Variants in TCERG1L observed in about 807,000 individuals in gnomAD.
TCERG1L encodes transcription elongation regulator 1-like protein.
A neutral mutation model predicts 56.3 loss-of-function variants in TCERG1L; 37 were observed. The ratio of observed to expected loss-of-function variants is 0.66; its 90% CI spans 0.51 to 0.87. The LOEUF (loss-of-function observed/expected upper bound fraction) is 0.87. Among genes scored for constraint, TCERG1L ranks in the 40% least tolerant of loss-of-function variants. The probability of loss-of-function intolerance (pLI) is 0.00; values close to 1 mark genes in which losing one functional copy is unlikely to be tolerated. For synonymous variants in TCERG1L, 324 were observed against 326.3 expected, an observed-to-expected ratio of 0.99 and a Z score of 0.08; for missense variants, 799 against 774.2, an observed-to-expected ratio of 1.03 and a Z score of -0.38.
At chr10:131,285,885 G>A (rs1174591601) in intron 3 of TCERG1L, among the ~76,000 whole-genome samples, 1 of 152,180 alleles carries the variant, frequency 6.6e-6, no homozygotes, top group Admixed American at 6.5e-5. Context: ...TGGAAGGAAT[G>A]TTCTAAGCCC....
At chr10:131,133,871 C>T (rs1488588828) in intron 8 of TCERG1L, among the ~76,000 whole-genome samples, 1 of 152,230 alleles carries the variant, frequency 6.6e-6, no homozygotes. Context: ...TGCAGGAATG[C>T]AGGCATCATC....
intron 3 of TCERG1L, among the ~76,000 whole-genome samples, chr10:131,303,717 A>G (rs1218671823): frequency 6.6e-6 from 1 of 152,070 alleles, no homozygotes; most frequent in African/African-American, 2.4e-5. Context: ...GTTGTCTTCT[A>G]TCATCAGATG....
intron 7 of TCERG1L, among the ~76,000 whole-genome samples, chr10:131,136,043 CCCCCT>C (rs1845672681): frequency 6.6e-6 from 1 of 152,184 alleles, no homozygotes; most frequent in Admixed American, 6.5e-5. Flanking sequence ...TTGATCCCTG[CCCCCT>C]CCCCACCATG....
intron 3 of TCERG1L, among the ~76,000 whole-genome samples, chr10:131,287,089 T>C (rs1188298806): frequency 6.6e-6 from 1 of 152,270 alleles, no homozygotes; most frequent in Non-Finnish European, 1.5e-5. Context: ...GTTATACTTT[T>C]ACAAACATGA....
chr10:131,199,884 T>C (rs2918136), intron 4 of TCERG1L, among the ~76,000 whole-genome samples: 90,551 of 152,028 alleles, frequency 0.6, 29,240 homozygotes, highest in Non-Finnish European at 0.73. Flanking sequence ...CACTCCCCTA[T>C]GCAACCTAGA....
chr10:131,107,956 TACACACAC>T (rs59364659), intron 9 of TCERG1L, among the ~76,000 whole-genome samples: 89 of 146,856 alleles, frequency 6.1e-4, no homozygotes, highest in African/African-American at 2.0e-3. Flanking sequence ...CATGTGTGCC[TACACACAC>T]ACACACACAC....
intron 3 of TCERG1L, among the ~76,000 whole-genome samples, chr10:131,273,739 T>C (rs1192916589): frequency 1.3e-5 from 2 of 152,146 alleles, no homozygotes; most frequent in African/African-American, 4.8e-5. Flanking sequence ...CAGAGGTCAC[T>C]CTGAGTGCTT....
intron 3 of TCERG1L, among the ~76,000 whole-genome samples, chr10:131,281,014 T>A (rs190317098): frequency 1.1e-3 from 165 of 152,310 alleles, no homozygotes; most frequent in South Asian, 4.8e-3. Flanking sequence ...AAAATGTCAT[T>A]TTTAAAAGGC....
chr10:131,211,440 T>C (rs1422955739), intron 4 of TCERG1L, among the ~76,000 whole-genome samples: 1 of 152,204 alleles, frequency 6.6e-6, no homozygotes. Context: ...CCCGGTGTTC[T>C]GGGCCCATGC....
At chr10:131,106,603 G>GA (rs1819176420) in intron 9 of TCERG1L, among the ~76,000 whole-genome samples, 1 of 152,142 alleles carries the variant, frequency 6.6e-6, no homozygotes, top group Admixed American at 6.5e-5. Context: ...GGCAGTCTGA[G>GA]ATGTGGTTAG....
intron 9 of TCERG1L, among the ~76,000 whole-genome samples, chr10:131,112,229 C>T (rs1426093295): frequency 7.0e-6 from 1 of 142,834 alleles, no homozygotes; most frequent in Non-Finnish European, 1.6e-5. Context: ...TTGGGCCACG[C>T]CCCTGTCCCC....
At chr10:131,243,616 T>C (rs945623651) in intron 4 of TCERG1L, among the ~76,000 whole-genome samples, 2 of 152,120 alleles carry the variant, frequency 1.3e-5, no homozygotes, top group Non-Finnish European at 2.9e-5. Flanking sequence ...GCGGCTGTCC[T>C]CTCTGTCGTT....
chr10:131,281,923 T>A (rs568250648), intron 3 of TCERG1L, among the ~76,000 whole-genome samples: 1 of 151,546 alleles, frequency 6.6e-6, no homozygotes, highest in East Asian at 2.0e-4. Context: ...GATCACGAGG[T>A]CAGGAGATCG....
intron 4 of TCERG1L, among the ~76,000 whole-genome samples, chr10:131,213,494 T>C (rs1365731689): frequency 6.6e-6 from 1 of 152,198 alleles, no homozygotes; most frequent in African/African-American, 2.4e-5. Flanking sequence ...GCTAGGCACG[T>C]GGGATCAAGA....
chr10:131,282,505 C>T (rs1407581994), intron 3 of TCERG1L, among the ~76,000 whole-genome samples: 1 of 152,170 alleles, frequency 6.6e-6, no homozygotes, highest in Non-Finnish European at 1.5e-5. Context: ...CAAGACCTCC[C>T]TCTCTGAAAA....
At chr10:131,261,821 A>T (rs1269651310) in intron 3 of TCERG1L, among the ~76,000 whole-genome samples, 1 of 152,154 alleles carries the variant, frequency 6.6e-6, no homozygotes, top group Non-Finnish European at 1.5e-5. Flanking sequence ...GAAAGCAGGG[A>T]GAGGGCATCT....
chr10:131,226,890 C>T (rs1230921695), intron 4 of TCERG1L, among the ~76,000 whole-genome samples: 1 of 152,186 alleles, frequency 6.6e-6, no homozygotes, highest in Non-Finnish European at 1.5e-5. Flanking sequence ...AACCAAAAAA[C>T]ACAGAAGCAG....
At chr10:131,223,160 C>T (rs558240293) in intron 4 of TCERG1L, among the ~76,000 whole-genome samples, 3 of 152,336 alleles carry the variant, frequency 2.0e-5, no homozygotes, top group Admixed American at 6.5e-5. Context: ...CACTTCCTCG[C>T]GCCAGGAGAC....
At chr10:131,165,104 G>C (rs1282482346) in intron 5 of TCERG1L, among the ~76,000 whole-genome samples, 1 of 152,208 alleles carries the variant, frequency 6.6e-6, no homozygotes, top group Non-Finnish European at 1.5e-5. Flanking sequence ...GTGAGATAAA[G>C]CTCAACCAAG....
Sources: allele counts gnomAD v4.1 joint callset (sites outside exome capture counted in the v4.1 genomes callset), GRCh38; gene constraint gnomAD v4.1.1; transcripts MANE v1.5; gene names NCBI Gene and HGNC (gene_info 2026-07-23, HGNC 2026-07-21).